CEP95: variants seen among roughly 807,000 people sequenced by gnomAD.
CEP95 encodes the protein centrosomal protein of 95 kDa.
Under a neutral mutation model 111.2 loss-of-function variants are expected in CEP95, and 98 were observed. That is an observed-to-expected ratio of 0.88 (90% CI 0.75 to 1.04). The LOEUF is 1.04. Among genes scored for constraint, CEP95 ranks in the 50% least tolerant of loss-of-function variants. The pLI, the probability that CEP95 is intolerant of heterozygous loss-of-function variation, is 0.00. For synonymous variants in CEP95, 323 were observed against 327.1 expected, an observed-to-expected ratio of 0.99 and a Z score of 0.14; for missense variants, 1,027 against 977.2, an observed-to-expected ratio of 1.05 and a Z score of -0.68.
Position 64,537,842 on chromosome 17 carries a change from G to C in CEP95, c.*63G>C. The stretch of plus-strand genomic sequence containing the variant: ...CCTTTACCAGGACAGAGCTAGAATC[G>C]AGCCAGTAAACAGTCTAAGCCAGAA... On this transcript the variant is annotated 3_prime_UTR_variant, in exon 20 of 20. Coordinates refer to ENST00000556440, the MANE Select transcript of CEP95 (RefSeq NM_138363.3). 9.6e-7 allele frequency: 1 copy of C among 1,041,644 alleles called. No homozygotes were observed. The highest frequency in any genetic ancestry group is 1.6e-5 in the African/African-American group (1 of 61,836). 64.5% of individuals were successfully genotyped at this position (1,041,644 alleles called of 1,614,324 possible). A position where few individuals can be genotyped will look rare whatever the true frequency, so the allele number is the denominator to read the frequency against.
intron 11 of CEP95, among the ~76,000 whole-genome samples, chr17:64,527,602 T>C (rs1967922740): frequency 6.6e-6 from 1 of 152,128 alleles, no homozygotes; most frequent in South Asian, 2.1e-4. Context: ...CATGCATTAC[T>C]TGTCTAAACA....
chr17:64,511,437 G>T (rs1481164574), intron 3 of CEP95, among the ~76,000 whole-genome samples: 1 of 152,174 alleles, frequency 6.6e-6, no homozygotes, highest in Non-Finnish European at 1.5e-5. Flanking sequence ...CTGAGAAAAA[G>T]AATTCAGCGA....
Position 64,531,913 on chromosome 17 carries a change from TGTTC to T in CEP95, c.1566_1569del (p.Arg523LysfsTer22), listed in dbSNP as rs782422997. The T allele has an allele frequency of 9.5e-5, 152 of 1,597,388 alleles. No individual in the cohort carries two copies. The highest frequency in any genetic ancestry group is 1.3e-4 in the Non-Finnish European group (148 of 1,173,930). ...AGGAAAAAATATACAGAGGAGAAGC[TGTTC>T]GTAAAGGAACTCCAGAATGTAGTCA... On this transcript the variant is annotated frameshift_variant, in exon 14 of 20. Coordinates refer to ENST00000556440, the MANE Select transcript of CEP95 (RefSeq NM_138363.3). LOFTEE classifies it high-confidence loss of function.
At position 64,527,275 on chromosome 17, in the gene CEP95, C is replaced by T. The variant is rs782376576; in HGVS notation, c.1306+11C>T. On this transcript the variant is annotated intron_variant, in intron 11 of 19. Transcript: ENST00000556440. Reference sequence around the variant, plus strand: ...AGAAGTCAAGGCCAGGTACTTACCCCAGAGAGACTGAGAAGGGGGACATCC... The same window carrying T: ...AGAAGTCAAGGCCAGGTACTTACCCTAGAGAGACTGAGAAGGGGGACATCC... 1 of 1,591,456 alleles carries T rather than the reference C, an allele frequency of 6.3e-7. No homozygotes were observed. The highest frequency in any genetic ancestry group is 1.1e-5 in the South Asian group (1 of 86,988).
intron 2 of CEP95, 100 bp downstream of exon 2, chr17:64,508,820 TCTTTG>T: frequency 2.4e-6 from 1 of 421,452 alleles, no homozygotes; most frequent in Non-Finnish European, 3.9e-6. Flanking sequence ...TTTCATTTTC[TCTTTG>T]CTTGTTTCTT....
rs782269958 is a variant in CEP95, at chr17:64,522,803, C to G, written c.817C>G (p.Arg273Gly). The change falls in exon 8 of 20, where the codon CGA (arginine) becomes GGA (glycine). Residue 273 changes from arginine (R) to glycine (G), a missense_variant. Coordinates refer to ENST00000556440, the MANE Select transcript of CEP95 (RefSeq NM_138363.3). ...TCCACCCTACCACCCTTCAGAGCCT[C>G]GAGCACCCTGCCCCATAGGAAAAGA... Reference protein sequence around the residue: ...LHPPYHPSEPRAPCPIGKEYL... With the variant: ...LHPPYHPSEPGAPCPIGKEYL... The G allele has an allele frequency of 6.2e-7, 1 of 1,613,858 alleles. No individual in the cohort carries two copies. Among genetic ancestry groups the G allele is most frequent in the Non-Finnish European group, 8.5e-7 (1 of 1,179,842 alleles).
chr17:64,508,940 ATTCC>A (rs1375780470), intron 2 of CEP95, among the ~76,000 whole-genome samples: 3 of 151,962 alleles, frequency 2.0e-5, no homozygotes, highest in Non-Finnish European at 2.9e-5. Context: ...ATAATATTGT[ATTCC>A]TTAAGGAATA....
chr17:64,524,504 C>T (rs962157166), intron 8 of CEP95, among the ~76,000 whole-genome samples: 80 of 151,964 alleles, frequency 5.3e-4, no homozygotes, highest in Non-Finnish European at 7.8e-4. Context: ...TTAGTAGAGA[C>T]GGGGTTTTGC....
intron 6 of CEP95, among the ~76,000 whole-genome samples, chr17:64,519,721 C>T (rs548746843): frequency 6.6e-6 from 1 of 152,288 alleles, no homozygotes; most frequent in Non-Finnish European, 1.5e-5. Context: ...AGTCTGGTCA[C>T]GCTTTCAGGG....
rs782040352 is a variant in CEP95 at position 64,537,033 on chromosome 17, A to G, written c.2218-8A>G. 1 of 1,606,420 alleles carries G rather than the reference A, an allele frequency of 6.2e-7. No individual in the cohort carries two copies. The highest frequency in any genetic ancestry group is 2.2e-5 in the East Asian group (1 of 44,608). On this transcript the variant is annotated splice_region_variant and splice_polypyrimidine_tract_variant and intron_variant, in intron 18 of 19. Coordinates refer to ENST00000556440, the MANE Select transcript of CEP95 (RefSeq NM_138363.3). Reference sequence around the variant, plus strand: ...TATAATATTTGTTTTTTTTCTTCCTATAAACAGTTTTCATTGCTGGCAGAA... The same window carrying G: ...TATAATATTTGTTTTTTTTCTTCCTGTAAACAGTTTTCATTGCTGGCAGAA...
chr17:64,519,449 A>G lies in CEP95; in HGVS notation c.589+13A>G. On this transcript the variant is annotated intron_variant, in intron 6 of 19. Transcript: ENST00000556440. ...CTAAGAAGTAATGGTGAGTAGTTAA[A>G]CCTGAAGTATCAGTTATTATTCAAC... 6.5e-7 allele frequency: 1 copy of G among 1,549,218 alleles called. No individual in the cohort carries two copies. Among genetic ancestry groups the G allele is most frequent in the South Asian group, 1.1e-5 (1 of 89,650 alleles).
At chr17:64,524,622 AT>A (rs1253644798) in intron 8 of CEP95, among the ~76,000 whole-genome samples, 2 of 152,180 alleles carry the variant, frequency 1.3e-5, no homozygotes, top group Non-Finnish European at 2.9e-5. Context: ...ACTAAAGGGT[AT>A]TTAATTTTAC....
In CEP95 at chr17:64,519,351, C is replaced by G; in HGVS notation, c.504C>G (p.Pro168=). The G allele has an allele frequency of 6.2e-7, 1 of 1,613,726 alleles. No homozygotes were observed. The highest frequency in any genetic ancestry group is 8.5e-7 in the Non-Finnish European group (1 of 1,179,690). The change falls in exon 6 of 20, where the codon CCC becomes CCG. Residue 168 remains proline (P), a synonymous_variant. Transcript: ENST00000556440. ...CCTTGTCTTCTGAGATGTTGGGCCC[C>G]TCTTGGGATGGAGATGAAGCAGAAT... ...RCSLSSEMLG[P]SWDGDEAEST...
At chr17:64,507,836 C>G in intron 1 of CEP95, 2 of 985,408 alleles carry the variant, frequency 2.0e-6, no homozygotes, top group Non-Finnish European at 2.4e-6. Flanking sequence ...AAGTGCTTTC[C>G]TACCAATTCC....
chr17:64,517,560 A>G (rs1348910446), intron 5 of CEP95, among the ~76,000 whole-genome samples: 2 of 151,968 alleles, frequency 1.3e-5, no homozygotes, highest in African/African-American at 2.4e-5. Context: ...TTTTTTAATA[A>G]AGAGACAGGG....
chr17:64,507,962 T>G, intron 1 of CEP95: 1 of 985,412 alleles, frequency 1.0e-6, no homozygotes, highest in Non-Finnish European at 1.2e-6. Context: ...GCAGGAAACG[T>G]CAACAGTATT....
At chr17:64,530,796 G>A (rs746830502) in intron 12 of CEP95, 130 bp from the exon 13 acceptor site, 1 of 542,312 alleles carries the variant, frequency 1.8e-6, no homozygotes, top group Non-Finnish European at 3.2e-6. Flanking sequence ...TGGATGCTCG[G>A]TTGAGGCACC....
chr17:64,515,640 G>C (rs1401813602), intron 4 of CEP95: 1 of 152,134 alleles, frequency 6.6e-6, no homozygotes, highest in Non-Finnish European at 1.5e-5. Context: ...GAGCTACTGG[G>C]GAAGTTGCTC....
intron 6 of CEP95, among the ~76,000 whole-genome samples, chr17:64,520,826 G>GT (rs1322290358): frequency 6.6e-6 from 1 of 152,098 alleles, no homozygotes; most frequent in Non-Finnish European, 1.5e-5. Context: ...CAGCATTTCC[G>GT]TAACTCTGGC....
Sources: allele counts gnomAD v4.1 joint callset (sites outside exome capture counted in the v4.1 genomes callset), GRCh38; gene constraint gnomAD v4.1.1; transcripts MANE v1.5; gene names NCBI Gene and HGNC (gene_info 2026-07-23, HGNC 2026-07-21).